RNGTT: variants seen among roughly 807,000 people sequenced by gnomAD.
RNGTT encodes the protein mRNA-capping enzyme.
In RNGTT, 33 loss-of-function variants were observed where a neutral mutation model predicts 79.3. The ratio of observed to expected loss-of-function variants is 0.42; its 90% confidence interval spans 0.32 to 0.56. The LOEUF (loss-of-function observed/expected upper bound fraction) is 0.56. Ranked by LOEUF, RNGTT falls within the 20% of genes least tolerant of loss-of-function variation. The pLI is 0.17. For synonymous variants in RNGTT, 222 were observed against 235.9 expected (o/e 0.94, Z 0.54); for missense variants, 497 against 739.1 (o/e 0.67, Z 3.80).
chr6:88,811,692 G>T (rs1050440247), intron 11 of RNGTT, among the ~76,000 whole-genome samples: 1 of 152,080 alleles, frequency 6.6e-6, no homozygotes, highest in Non-Finnish European at 1.5e-5. Flanking sequence ...ATACGAATTG[G>T]CAATATCAAT....
chr6:88,614,981 C>T (rs1772165763), intron 14 of RNGTT, among the ~76,000 whole-genome samples: 1 of 152,210 alleles, frequency 6.6e-6, no homozygotes, highest in East Asian at 1.9e-4. Flanking sequence ...TACAAATTTA[C>T]AGATGAAGCT....
In RNGTT at chr6:88,714,685, GC is replaced by G. The variant is rs1582372142; in HGVS notation, c.1440-36267del. On this transcript the variant is annotated intron_variant, in intron 13 of 15. Transcript: ENST00000369485. ...TCTCGATCTCCTGACCTCGTGATCCGCCCGCCTCGGCCTCCCAAAGTGCTGG... is the reference window on the plus strand; with the variant it reads ...TCTCGATCTCCTGACCTCGTGATCCGCCGCCTCGGCCTCCCAAAGTGCTGG... Among the ~76,000 whole-genome samples the G allele has an allele frequency of 3.3e-5, 3 of 89,948 alleles. No homozygotes were observed. In the East Asian group the frequency reaches 6.8e-4, roughly 20 times the overall value. 59.0% of individuals were successfully genotyped at this position (89,948 alleles called of 152,430 possible). A position where few individuals can be genotyped will look rare whatever the true frequency, so the allele number is the denominator to read the frequency against.
intron 13 of RNGTT, among the ~76,000 whole-genome samples, chr6:88,716,527 T>C (rs1002502631): frequency 4.5e-4 from 68 of 152,334 alleles, no homozygotes; most frequent in Non-Finnish European, 9.1e-4. Context: ...CCTATGTTTA[T>C]TGCAGCACTA....
At chr6:88,833,100 A>G (rs2127890496) in intron 11 of RNGTT, among the ~76,000 whole-genome samples, 1 of 152,316 alleles carries the variant, frequency 6.6e-6, no homozygotes, top group African/African-American at 2.4e-5. Context: ...AGTATAAATC[A>G]TTCTACTAAA....
chr6:88,619,415 G>A (rs1277933065), intron 14 of RNGTT, among the ~76,000 whole-genome samples: 1 of 152,108 alleles, frequency 6.6e-6, no homozygotes, highest in Non-Finnish European at 1.5e-5. Flanking sequence ...CAATCCTCTG[G>A]CCTTGGCCTC....
intron 11 of RNGTT, among the ~76,000 whole-genome samples, chr6:88,807,808 G>C (rs752923258): frequency 6.6e-6 from 1 of 151,958 alleles, no homozygotes; most frequent in Non-Finnish European, 1.5e-5. Flanking sequence ...CAGCAAGAAG[G>C]GGGAAAAGAT....
intron 1 of RNGTT, among the ~76,000 whole-genome samples, chr6:88,955,541 C>A (rs2127965814): frequency 3.0e-5 from 4 of 134,614 alleles, no homozygotes; most frequent in South Asian, 2.6e-4. Context: ...CAGAGTGAGA[C>A]TCATCTCAAA....
chr6:88,938,373 G>T (rs4446539), intron 2 of RNGTT, among the ~76,000 whole-genome samples: 97,623 of 151,980 alleles, frequency 0.64, 32,806 homozygotes, highest in African/African-American at 0.85. Context: ...TGGTTTCCAT[G>T]TGCATGGAAC....
At chr6:88,776,145 T>C (rs1452002536) in intron 12 of RNGTT, among the ~76,000 whole-genome samples, 3 of 152,160 alleles carry the variant, frequency 2.0e-5, no homozygotes, top group Non-Finnish European at 2.9e-5. Flanking sequence ...CCAATTTACA[T>C]TCCTACCAAC....
At chr6:88,816,506 G>A (rs959665046) in intron 11 of RNGTT, among the ~76,000 whole-genome samples, 6 of 152,190 alleles carry the variant, frequency 3.9e-5, no homozygotes, top group South Asian at 2.1e-4. Flanking sequence ...TGAACAGAAC[G>A]AGTGGGACAA....
chr6:88,893,615 G>A (rs945992554), intron 6 of RNGTT, among the ~76,000 whole-genome samples: 3 of 152,038 alleles, frequency 2.0e-5, no homozygotes, highest in Non-Finnish European at 4.4e-5. Flanking sequence ...ATTTAACAGA[G>A]CCAATAAATA....
At chr6:88,868,814 A>G (rs1782261998) in intron 8 of RNGTT, among the ~76,000 whole-genome samples, 1 of 152,198 alleles carries the variant, frequency 6.6e-6, no homozygotes, top group African/African-American at 2.4e-5. Context: ...AAAACTTGTC[A>G]GAAATTAGGA....
chr6:88,844,114 T>C (rs1439476564), intron 11 of RNGTT, among the ~76,000 whole-genome samples: 1 of 152,028 alleles, frequency 6.6e-6, no homozygotes, highest in African/African-American at 2.4e-5. Context: ...CCAATGACCA[T>C]GAAACAAAAA....
chr6:88,951,940 C>T (rs967906789), intron 1 of RNGTT, among the ~76,000 whole-genome samples: 2 of 152,038 alleles, frequency 1.3e-5, no homozygotes, highest in Non-Finnish European at 2.9e-5. Context: ...AGGGAATGAA[C>T]GGGAACTGCT....
chr6:88,621,577 T>C (rs990917180), intron 14 of RNGTT, among the ~76,000 whole-genome samples: 1 of 152,076 alleles, frequency 6.6e-6, no homozygotes, highest in Non-Finnish European at 1.5e-5. Flanking sequence ...ATGAATATCA[T>C]GCATTTGTAC....
intron 2 of RNGTT, among the ~76,000 whole-genome samples, chr6:88,935,544 T>A (rs1383662844): frequency 1.3e-5 from 2 of 152,172 alleles, no homozygotes; most frequent in Non-Finnish European, 2.9e-5. Context: ...TGAAACCCCA[T>A]CTTTAAAAAA....
intron 11 of RNGTT, among the ~76,000 whole-genome samples, chr6:88,841,793 A>G (rs1781302462): frequency 6.6e-6 from 1 of 152,238 alleles, no homozygotes; most frequent in Admixed American, 6.5e-5. Flanking sequence ...ATTCTGGAAT[A>G]TGACAAATTT....
intron 13 of RNGTT, among the ~76,000 whole-genome samples, chr6:88,684,875 G>A (rs1365608485): frequency 1.3e-5 from 2 of 152,066 alleles, no homozygotes; most frequent in African/African-American, 2.4e-5. Flanking sequence ...TGCATGTGTG[G>A]GGCAGGTAGC....
chr6:88,746,382 C>T (rs1777658378), intron 13 of RNGTT, among the ~76,000 whole-genome samples: 2 of 152,150 alleles, frequency 1.3e-5, no homozygotes, highest in Non-Finnish European at 2.9e-5. Context: ...AGTTTTGCCA[C>T]AAGTATATGC....
Sources: allele counts gnomAD v4.1 joint callset (sites outside exome capture counted in the v4.1 genomes callset), GRCh38; gene constraint gnomAD v4.1.1; transcripts MANE v1.5; gene names NCBI Gene and HGNC (gene_info 2026-07-23, HGNC 2026-07-21).